FSTL4: variants seen among roughly 807,000 people sequenced by gnomAD.
FSTL4 encodes follistatin-related protein 4.
A neutral mutation model predicts 78.2 loss-of-function variants in FSTL4; 28 were observed. The ratio of observed to expected loss-of-function variants is 0.36; its 90% confidence interval spans 0.27 to 0.49. The LOEUF (loss-of-function observed/expected upper bound fraction) is 0.49, where lower values mean the gene tolerates loss of function less well. FSTL4 is among the 20% of genes least tolerant of loss of function. The pLI is 0.98. For synonymous variants in FSTL4, 422 were observed against 440.5 expected (o/e 0.96, Z 0.53); for missense variants, 922 against 1,084.9 (o/e 0.85, Z 2.11).
chr5:133,356,829 T>C (rs1459498772), intron 4 of FSTL4, among the ~76,000 whole-genome samples: 1 of 152,214 alleles, frequency 6.6e-6, no homozygotes. Flanking sequence ...TGCAGGACTT[T>C]TATGGGGACA....
chr5:133,309,059 G>C (rs905297536), intron 6 of FSTL4, among the ~76,000 whole-genome samples: 5 of 152,180 alleles, frequency 3.3e-5, no homozygotes, highest in Admixed American at 2.6e-4. Context: ...ATCCCAACCT[G>C]AGCACTCAGA....
chr5:133,685,519 G>A, the FSTL4 span, among the ~76,000 whole-genome samples: 2 of 152,244 alleles, frequency 1.3e-5, no homozygotes, highest in Non-Finnish European at 2.9e-5. Context: ...AGATATGTGT[G>A]TGCTTGGAGA....
rs569756575 is a variant in FSTL4, at chr5:133,338,070, C to T, written c.410-21418G>A. On this transcript the variant is annotated intron_variant, in intron 4 of 15. Transcript: ENST00000265342. The surrounding 1 kb of genome is among the most constrained non-coding windows in gnomAD (Gnocchi z 4.0). ...GTGTCTTTCCATCACAGGATGTATC[C>T]GAGTGTGAGCTTAACTCTCTGGGTC... 3.3e-5 allele frequency among the ~76,000 whole-genome samples: 5 copies of T among 152,222 alleles called. No homozygotes were observed. In the South Asian group the frequency reaches 6.2e-4, roughly 19 times the overall value.
chr5:133,501,930 G>C (rs1031286586), intron 3 of FSTL4, among the ~76,000 whole-genome samples: 1 of 152,152 alleles, frequency 6.6e-6, no homozygotes, highest in African/African-American at 2.4e-5. Flanking sequence ...ACACCACAGA[G>C]AGGAGAACGC....
intron 4 of FSTL4, among the ~76,000 whole-genome samples, chr5:133,388,303 C>G (rs75612247): frequency 6.6e-6 from 1 of 152,288 alleles, no homozygotes; most frequent in East Asian, 1.9e-4. Context: ...CCTTGCCCAG[C>G]AGAAAATACT....
At chr5:133,312,588 C>G in intron 6 of FSTL4, 66 bp downstream of exon 6, 9 of 1,513,012 alleles carry the variant, frequency 5.9e-6, no homozygotes, top group Non-Finnish European at 8.2e-6. Flanking sequence ...CTCCAGGCAC[C>G]CAACAGCATT....
chr5:133,410,537 G>A (rs556799316), intron 3 of FSTL4, among the ~76,000 whole-genome samples: 2 of 152,304 alleles, frequency 1.3e-5, no homozygotes, highest in Non-Finnish European at 2.9e-5. Context: ...TACTCTGTGA[G>A]CCGCCGTGAT....
intron 1 of FSTL4, among the ~76,000 whole-genome samples, chr5:133,609,088 A>T (rs115400122): frequency 0.012 from 1,772 of 152,314 alleles, 32 homozygotes; most frequent in African/African-American, 0.04. Context: ...GAACTTGGTA[A>T]CTTTACCAGA....
At chr5:133,282,081 C>T (rs947148588) in intron 6 of FSTL4, among the ~76,000 whole-genome samples, 5 of 152,088 alleles carry the variant, frequency 3.3e-5, no homozygotes, top group Non-Finnish European at 5.9e-5. Context: ...ATGAGTGAGT[C>T]CAGGGGAGGC....
At chr5:133,239,059 G>C (rs1181310751) in intron 7 of FSTL4, among the ~76,000 whole-genome samples, 1 of 152,220 alleles carries the variant, frequency 6.6e-6, no homozygotes, top group African/African-American at 2.4e-5. Context: ...GTGGGCATGG[G>C]CTCGGCGGGC....
the FSTL4 span, among the ~76,000 whole-genome samples, chr5:133,625,322 T>C: frequency 1.3e-5 from 2 of 151,750 alleles, no homozygotes; most frequent in Non-Finnish European, 3.0e-5. Flanking sequence ...TTAAATTACT[T>C]TAATATTGGA....
At chr5:133,595,654 T>A (rs927506478) in intron 2 of FSTL4, among the ~76,000 whole-genome samples, 1 of 152,204 alleles carries the variant, frequency 6.6e-6, no homozygotes, top group African/African-American at 2.4e-5. Context: ...CACAGTCTTC[T>A]TGACAGCCAC....
At chr5:133,493,487 C>G (rs1758310366) in intron 3 of FSTL4, among the ~76,000 whole-genome samples, 1 of 152,210 alleles carries the variant, frequency 6.6e-6, no homozygotes, top group South Asian at 2.1e-4. Flanking sequence ...CATTCCTTGA[C>G]CATTAGGTAA....
intron 4 of FSTL4, among the ~76,000 whole-genome samples, chr5:133,316,911 G>A (rs1396088223): frequency 6.6e-6 from 1 of 152,160 alleles, no homozygotes; most frequent in Non-Finnish European, 1.5e-5. Flanking sequence ...AATATTTGTT[G>A]AGCACCACTA....
At chr5:133,746,568 T>TC in the FSTL4 span, among the ~76,000 whole-genome samples, 1 of 152,118 alleles carries the variant, frequency 6.6e-6, no homozygotes, top group Admixed American at 6.5e-5. Context: ...AATAATTTTT[T>TC]CTCAGACAGA....
chr5:133,739,889 C>T, the FSTL4 span, among the ~76,000 whole-genome samples: 1 of 149,976 alleles, frequency 6.7e-6, no homozygotes, highest in Admixed American at 6.7e-5. Flanking sequence ...GAAACATAAG[C>T]TCTGTCTTTT....
intron 3 of FSTL4, among the ~76,000 whole-genome samples, chr5:133,504,597 G>A (rs1189155232): frequency 1.3e-5 from 2 of 152,140 alleles, no homozygotes; most frequent in Non-Finnish European, 2.9e-5. Flanking sequence ...GACTCTGAGC[G>A]ACCTAGTCAC....
At chr5:133,568,583 C>G (rs1299748503) in intron 2 of FSTL4, among the ~76,000 whole-genome samples, 1 of 152,164 alleles carries the variant, frequency 6.6e-6, no homozygotes, top group African/African-American at 2.4e-5. Context: ...TGCCAACAGC[C>G]CATCACACAA....
At chr5:133,734,673 C>T in the FSTL4 span, among the ~76,000 whole-genome samples, 1 of 152,214 alleles carries the variant, frequency 6.6e-6, no homozygotes, top group South Asian at 2.1e-4. Flanking sequence ...TCTCATTTCA[C>T]TTATCTTGCT....
Sources: allele counts gnomAD v4.1 joint callset (sites outside exome capture counted in the v4.1 genomes callset), GRCh38; gene constraint gnomAD v4.1.1; non-coding constraint Gnocchi (gnomAD v3.1); transcripts MANE v1.5; gene names NCBI Gene and HGNC (gene_info 2026-07-23, HGNC 2026-07-21).